Variants in ZBED4 observed in about 807,000 individuals in gnomAD.
ZBED4 encodes the protein zinc finger BED domain-containing protein 4.
ZBED4 carries 4 observed loss-of-function variants against 15.5 expected under a neutral mutation model. The observed-to-expected ratio is 0.26, with a 90% CI of 0.13 to 0.59. ZBED4 has a LOEUF of 0.59. Ranked by LOEUF, ZBED4 falls within the 20% of genes least tolerant of loss-of-function variation. The pLI is 0.90. For synonymous variants in ZBED4, 692 were observed against 608.5 expected, an observed-to-expected ratio of 1.14 and a Z score of -2.02; for missense variants, 1,323 against 1,461.8, an observed-to-expected ratio of 0.91 and a Z score of 1.55.
intron 1 of ZBED4, among the ~76,000 whole-genome samples, chr22:49,870,175 T>G (rs961740900): frequency 2.2e-4 from 33 of 152,224 alleles, no homozygotes; most frequent in Non-Finnish European, 4.1e-4. Context: ...TTTATGGCTG[T>G]ATAATATTCC....
intron 1 of ZBED4, among the ~76,000 whole-genome samples, chr22:49,866,724 T>C (rs1308185099): frequency 6.6e-6 from 1 of 152,230 alleles, no homozygotes; most frequent in Non-Finnish European, 1.5e-5. Context: ...TTCTGTGAGA[T>C]GTGACAGAAT....
At chr22:49,877,497 G>A (rs1362747894) in intron 1 of ZBED4, among the ~76,000 whole-genome samples, 7 of 151,900 alleles carry the variant, frequency 4.6e-5, no homozygotes, top group African/African-American at 1.7e-4. Context: ...TCACCATGTT[G>A]GCCAGGCTGG....
Position 49,886,824 on chromosome 22 carries a change from G to A in ZBED4, c.3162G>A (p.Pro1054=), listed in dbSNP as rs41280547. The A allele has an allele frequency of 2.7e-3, 4,287 of 1,613,576 alleles. 16 individuals carry two copies. Among genetic ancestry groups the A allele is most frequent in the Middle Eastern group, 7.6e-3 (46 of 6,058 alleles). ...AASHRCDAGS[P]SKDSAAEENL... ...CCCACAGGTGTGATGCTGGCTCCCC[G>A]TCGAAAGACTCTGCCGCAGAGGAGA... The change falls in exon 2 of 2, where the codon CCG becomes CCA. Residue 1054 remains proline (P), a synonymous_variant. Transcript: ENST00000216268. The surrounding 1 kb of genome is among the most constrained non-coding windows in gnomAD (Gnocchi z 7.7).
rs201650098 is a variant in ZBED4 at position 49,854,927 on chromosome 22, T to C, written c.-330+938T>C. On this transcript the variant is annotated intron_variant, in intron 1 of 1. Coordinates refer to ENST00000216268, the MANE Select transcript of ZBED4 (RefSeq NM_014838.3). ...CATCCTGCGACTTTTTACACAGAAA[T>C]GTTTTTTATTTTTTCTGTGTATGTC... 8.5e-5 allele frequency among the ~76,000 whole-genome samples: 13 copies of C among 152,352 alleles called. No homozygotes were observed. In the East Asian group the frequency reaches 1.7e-3, roughly 20 times the overall value.
At chr22:49,873,613 G>T (rs1008825623) in intron 1 of ZBED4, among the ~76,000 whole-genome samples, 11 of 149,946 alleles carry the variant, frequency 7.3e-5, no homozygotes, top group African/African-American at 2.8e-4. Context: ...CGTGCTTGAT[G>T]CAGGATTGCC....
chr22:49,854,581 G>A (rs1413541696), intron 1 of ZBED4, among the ~76,000 whole-genome samples: 4 of 152,248 alleles, frequency 2.6e-5, no homozygotes, highest in Admixed American at 6.5e-5. Context: ...TTCGACTGCA[G>A]TGGTTTTCCT....
At chr22:49,855,926 T>A (rs1428955445) in intron 1 of ZBED4, among the ~76,000 whole-genome samples, 1 of 152,222 alleles carries the variant, frequency 6.6e-6, no homozygotes, top group Non-Finnish European at 1.5e-5. Flanking sequence ...TGTAAGAAAG[T>A]CACTGTGCCT....
chr22:49,862,355 G>A lies in ZBED4; in HGVS notation c.-330+8366G>A, dbSNP rs754137003. Among the ~76,000 whole-genome samples the A allele has an allele frequency of 1.3e-4, 20 of 152,320 alleles. No individual in the cohort carries two copies. In the South Asian group the frequency reaches 1.4e-3, roughly 11 times the overall value. On this transcript the variant is annotated intron_variant, in intron 1 of 1. Transcript: ENST00000216268. ...ATCTCCTGTGCTCAAGTCTCTCACCGTGGCCTGCAAGTAGCTGGGACTACG... is the reference window on the plus strand; with the variant it reads ...ATCTCCTGTGCTCAAGTCTCTCACCATGGCCTGCAAGTAGCTGGGACTACG...
chr22:49,858,572 A>G (rs771413717), intron 1 of ZBED4, among the ~76,000 whole-genome samples: 4 of 152,212 alleles, frequency 2.6e-5, no homozygotes, highest in Non-Finnish European at 5.9e-5. Flanking sequence ...AGCTACCGTG[A>G]CTGCCACCAG....
intron 1 of ZBED4, among the ~76,000 whole-genome samples, chr22:49,868,886 C>T (rs1202523139): frequency 6.7e-6 from 1 of 149,446 alleles, no homozygotes. Flanking sequence ...CCAAGGCAGG[C>T]GGATCACCTG....
At chr22:49,857,213 A>G (rs1569155856) in intron 1 of ZBED4, among the ~76,000 whole-genome samples, 1 of 152,180 alleles carries the variant, frequency 6.6e-6, no homozygotes, top group African/African-American at 2.4e-5. Context: ...CCGTCATAGA[A>G]GCCATGCTCC....
chr22:49,875,921 G>T (rs753615400), intron 1 of ZBED4, among the ~76,000 whole-genome samples: 4 of 143,232 alleles, frequency 2.8e-5, no homozygotes, highest in Non-Finnish European at 6.1e-5. Context: ...AAGAACCAGA[G>T]TTTGGTTTCA....
intron 1 of ZBED4, among the ~76,000 whole-genome samples, chr22:49,856,921 T>G (rs2147496336): frequency 6.6e-6 from 1 of 152,282 alleles, no homozygotes; most frequent in East Asian, 1.9e-4. Flanking sequence ...TCAGCAGCCA[T>G]GGCCCATGTC....
chr22:49,876,646 T>C (rs982296667), intron 1 of ZBED4, among the ~76,000 whole-genome samples: 1 of 152,320 alleles, frequency 6.6e-6, no homozygotes, highest in Non-Finnish European at 1.5e-5. Context: ...GCCCTTTTCC[T>C]GTTTGCCCTG....
intron 1 of ZBED4, among the ~76,000 whole-genome samples, chr22:49,874,082 G>A (rs763453256): frequency 5.3e-5 from 8 of 152,158 alleles, no homozygotes; most frequent in Non-Finnish European, 1.2e-4. Flanking sequence ...TTATGACATC[G>A]ATGGCCCTGT....
chr22:49,868,251 TAA>T (rs1321207704), intron 1 of ZBED4, among the ~76,000 whole-genome samples: 2 of 152,180 alleles, frequency 1.3e-5, no homozygotes, highest in Non-Finnish European at 2.9e-5. Context: ...TTGGGGAAAC[TAA>T]AAAATAAAAT....
intron 1 of ZBED4, among the ~76,000 whole-genome samples, chr22:49,871,925 T>C (rs540243357): frequency 6.6e-6 from 1 of 152,180 alleles, no homozygotes; most frequent in South Asian, 2.1e-4. Flanking sequence ...TTTGTATTTT[T>C]AGTAGAGACG....
At chr22:49,868,140 G>A (rs887190846) in intron 1 of ZBED4, among the ~76,000 whole-genome samples, 16 of 152,158 alleles carry the variant, frequency 1.1e-4, no homozygotes, top group African/African-American at 3.4e-4. Context: ...ACTTACATTT[G>A]TTGGTTAACG....
chr22:49,866,847 A>G (rs1351753016), intron 1 of ZBED4, among the ~76,000 whole-genome samples: 3 of 152,210 alleles, frequency 2.0e-5, no homozygotes, highest in African/African-American at 7.2e-5. Context: ...GATGGGTCTC[A>G]CTGGGCTAAA....
Sources: allele counts gnomAD v4.1 joint callset (sites outside exome capture counted in the v4.1 genomes callset), GRCh38; gene constraint gnomAD v4.1.1; non-coding constraint Gnocchi (gnomAD v3.1); transcripts MANE v1.5; gene names NCBI Gene and HGNC (gene_info 2026-07-23, HGNC 2026-07-21).